The following CUX1 variants were observed in gnomAD, a reference collection of about 807,000 sequenced individuals.
CUX1 encodes protein CASP.
CUX1 carries 31 observed loss-of-function variants against 158.8 expected under a neutral mutation model. That is an observed-to-expected ratio of 0.20 (90% CI 0.15 to 0.26). CUX1 has a LOEUF of 0.26. CUX1 is among the 10% of genes least tolerant of loss of function. The pLI is 1.00. For synonymous variants in CUX1, 879 were observed against 862.1 expected (o/e 1.02, Z -0.34); for missense variants, 1,589 against 2,014.6 (o/e 0.79, Z 4.04).
chr7:101,825,243 A>G (rs1403464130), intron 1 of CUX1, among the ~76,000 whole-genome samples: 1 of 152,236 alleles, frequency 6.6e-6, no homozygotes, highest in Non-Finnish European at 1.5e-5. Flanking sequence ...CAGGTTTGAG[A>G]CAGAAAATTG....
In CUX1 at chr7:102,251,521, C is replaced by T. The variant is rs1801499845; in HGVS notation, c.*2479C>T. The T allele has an allele frequency of 1.0e-6, 1 of 985,346 alleles. No individual in the cohort carries two copies. The highest frequency in any genetic ancestry group is 1.7e-5 in the African/African-American group (1 of 57,316). 61.0% of individuals were successfully genotyped at this position (985,346 alleles called of 1,614,324 possible). A position where few individuals can be genotyped will look rare whatever the true frequency, so the allele number is the denominator to read the frequency against. On this transcript the variant is annotated 3_prime_UTR_variant, in exon 24 of 24. Transcript: ENST00000292535. ...CTAGGGGGCTGGGAGGCAGGCTGTTCGTTTGTCTTTTGTTGGGGGTATCAT... is the reference window on the plus strand; with the variant it reads ...CTAGGGGGCTGGGAGGCAGGCTGTTTGTTTGTCTTTTGTTGGGGGTATCAT...
chr7:102,132,269 T>C (rs1450470572), intron 8 of CUX1, among the ~76,000 whole-genome samples: 3 of 150,964 alleles, frequency 2.0e-5, no homozygotes, highest in African/African-American at 7.3e-5. Context: ...GGCAAAAATA[T>C]TTGCAATATA....
intron 1 of CUX1, among the ~76,000 whole-genome samples, chr7:101,897,615 G>T (rs1801658481): frequency 6.6e-6 from 1 of 152,190 alleles, no homozygotes; most frequent in Non-Finnish European, 1.5e-5. Context: ...TATTTCTGCT[G>T]ATGTAAGTAT....
At chr7:102,236,656 A>G (rs189280349) in intron 22 of CUX1, among the ~76,000 whole-genome samples, 359 of 152,248 alleles carry the variant, frequency 2.4e-3, no homozygotes, top group Non-Finnish European at 2.4e-3. Context: ...AGATCTGTGC[A>G]GAGTTTCCCG....
At chr7:102,055,845 C>T (rs1165318564) in intron 3 of CUX1, among the ~76,000 whole-genome samples, 1 of 152,118 alleles carries the variant, frequency 6.6e-6, no homozygotes, top group Non-Finnish European at 1.5e-5. Context: ...GTCATTAGTG[C>T]AAAGGAAAAG....
intron 8 of CUX1, among the ~76,000 whole-genome samples, chr7:102,122,958 C>T (rs1309187649): frequency 6.6e-6 from 1 of 152,116 alleles, no homozygotes; most frequent in African/African-American, 2.4e-5. Context: ...CAGCCGGGCA[C>T]GGTGGCTCAT....
rs1472922359 is a variant in CUX1 at position 102,257,893 on chromosome 7, G to C, written c.*8851G>C. 2.1e-6 allele frequency: 2 copies of C among 970,326 alleles called. No homozygotes were observed. The highest frequency in any genetic ancestry group is 2.4e-6 in the Non-Finnish European group (2 of 820,218). 60.1% of individuals were successfully genotyped at this position (970,326 alleles called of 1,614,324 possible). ...AAAAAGAAAAAAGGAAAAAAAAAAA[G>C]TCGTCTTTTTTTTTTTTTTTTGTAC... On this transcript the variant is annotated 3_prime_UTR_variant, in exon 24 of 24. Transcript: ENST00000292535.
intron 2 of CUX1, among the ~76,000 whole-genome samples, chr7:101,944,083 A>G (rs1226703478): frequency 6.6e-6 from 1 of 152,092 alleles, no homozygotes; most frequent in Admixed American, 6.6e-5. Context: ...GGGCTCAGCC[A>G]TCCCAGGTGT....
chr7:102,275,437 A>G, intron 17 of CUX1: 1 of 1,206,960 alleles, frequency 8.3e-7, no homozygotes. Context: ...TTCAGGAGAG[A>G]GATGTGGCAC....
At chr7:101,876,721 A>G (rs1799183080) in intron 1 of CUX1, among the ~76,000 whole-genome samples, 1 of 152,088 alleles carries the variant, frequency 6.6e-6, no homozygotes, top group African/African-American at 2.4e-5. Flanking sequence ...GAAAAAGAAA[A>G]TATCTTTCAA....
At chr7:101,849,155 A>C (rs1796005913) in intron 1 of CUX1, among the ~76,000 whole-genome samples, 1 of 152,004 alleles carries the variant, frequency 6.6e-6, no homozygotes, top group East Asian at 1.9e-4. Flanking sequence ...GGATCATCTT[A>C]GCTTTTTTTC....
intron 6 of CUX1, among the ~76,000 whole-genome samples, chr7:102,108,793 C>T (rs568477713): frequency 1.4e-5 from 2 of 144,248 alleles, no homozygotes; most frequent in East Asian, 3.9e-4. Flanking sequence ...GTCTCTCTGT[C>T]ACCTAGGCTG....
At chr7:101,885,231 C>T (rs1800107025) in intron 1 of CUX1, among the ~76,000 whole-genome samples, 1 of 152,204 alleles carries the variant, frequency 6.6e-6, no homozygotes, top group Non-Finnish European at 1.5e-5. Flanking sequence ...TGCCCTGCCT[C>T]CATCCAGAGG....
chr7:101,942,904 G>A (rs796791516), intron 2 of CUX1, among the ~76,000 whole-genome samples: 10 of 152,214 alleles, frequency 6.6e-5, no homozygotes, highest in African/African-American at 2.4e-4. Context: ...TGGTTCCATC[G>A]GCTGCTGGGA....
chr7:101,830,499 G>A (rs1224033555), intron 1 of CUX1, among the ~76,000 whole-genome samples: 1 of 152,134 alleles, frequency 6.6e-6, no homozygotes, highest in East Asian at 1.9e-4. Context: ...TTGATCTGTT[G>A]TGGACTGCAG....
chr7:101,925,737 G>C (rs983527420), intron 2 of CUX1, among the ~76,000 whole-genome samples: 10 of 152,152 alleles, frequency 6.6e-5, no homozygotes, highest in Admixed American at 6.5e-4. Context: ...TTGGAGACCA[G>C]CCTGGGCAAT....
Position 102,250,422 on chromosome 7 carries a change from A to T in CUX1, c.*1380A>T, listed in dbSNP as rs1801375321. ...ATGAACTGAGCCCTCCCAGGGGAAG[A>T]CACTCCCCAGGCCTGGGCAGGGCTT... On this transcript the variant is annotated 3_prime_UTR_variant, in exon 24 of 24. Transcript: ENST00000292535. The T allele has an allele frequency of 2.0e-6, 2 of 985,294 alleles. No individual in the cohort carries two copies. Among genetic ancestry groups the T allele is most frequent in the Non-Finnish European group, 2.4e-6 (2 of 829,954 alleles). 61.0% of individuals were successfully genotyped at this position (985,294 alleles called of 1,614,324 possible). A position where few individuals can be genotyped will look rare whatever the true frequency, so the allele number is the denominator to read the frequency against.
intron 2 of CUX1, chr7:101,960,242 C>G (rs1810308844): frequency 6.6e-6 from 1 of 152,112 alleles, no homozygotes; most frequent in East Asian, 1.9e-4. Flanking sequence ...TAATGAGATT[C>G]ACGTGTAAAG....
At chr7:101,963,714 G>A (rs1035251573) in intron 2 of CUX1, among the ~76,000 whole-genome samples, 4 of 152,100 alleles carry the variant, frequency 2.6e-5, no homozygotes, top group Admixed American at 6.5e-5. Flanking sequence ...GTGCAGTGGC[G>A]TAATCATGGC....
Sources: gnomAD v4.1 joint callset for allele counts (sites outside exome capture counted in the v4.1 genomes callset) on GRCh38, gnomAD v4.1.1 for gene constraint, MANE v1.5 for transcripts, NCBI Gene and HGNC (gene_info 2026-07-23, HGNC 2026-07-21) for gene names.